Variants in ADGRG6 observed in about 807,000 individuals in gnomAD.
ADGRG6 encodes G-protein coupled receptor 126.
In ADGRG6, 84 loss-of-function variants were observed where a neutral mutation model predicts 142.4. That is an observed-to-expected ratio of 0.59 (90% CI 0.49 to 0.71). The LOEUF (loss-of-function observed/expected upper bound fraction) is 0.71, where lower values mean the gene tolerates loss of function less well. Among genes scored for constraint, ADGRG6 ranks in the 30% least tolerant of loss-of-function variants. The pLI is 0.00. For missense variants in ADGRG6, 1,367 were observed against 1,466.6 expected (o/e 0.93, Z 1.11); for synonymous variants, 521 against 520.5 (o/e 1.00, Z -0.01).
chr6:142,367,590 G>T lies in ADGRG6; in HGVS notation c.125G>T (p.Arg42Leu), dbSNP rs1300899858. 1 of 1,613,382 alleles carries T rather than the reference G, an allele frequency of 6.2e-7. No individual in the cohort carries two copies. The highest frequency in any genetic ancestry group is 8.5e-7 in the Non-Finnish European group (1 of 1,179,622). Residue 42 changes from arginine to leucine, a missense_variant, in exon 3 of 25, where the codon CGA (arginine) becomes CTA (leucine). Around this residue, in one of 3 missense-constraint regions of ADGRG6, gnomAD observed 737 missense variants for 746.5 expected, o/e 0.99. Coordinates refer to ENST00000367609, the MANE Select transcript of ADGRG6 (RefSeq NM_198569.3). Reference protein sequence around the residue: ...PHSVWGCANCRVVLSNPSGTF... With the variant: ...PHSVWGCANCLVVLSNPSGTF... ...GCAGTGTGGGGATGTGCCAACTGCC[G>T]AGTGGTTTTGTCCAACCCTTCTGGG...
At chr6:142,434,622 T>C (rs1048679949) in intron 22 of ADGRG6, among the ~76,000 whole-genome samples, 10 of 152,130 alleles carry the variant, frequency 6.6e-5, no homozygotes, top group African/African-American at 2.4e-4. Flanking sequence ...CGTCCGGCCC[T>C]GAAGAACTTT....
intron 4 of ADGRG6, among the ~76,000 whole-genome samples, chr6:142,380,501 G>A (rs934504178): frequency 6.6e-6 from 1 of 152,160 alleles, no homozygotes; most frequent in African/African-American, 2.4e-5. Context: ...CCTTACAGCA[G>A]CTATCCATTG....
chr6:142,425,012 G>T (rs1319818538), intron 22 of ADGRG6, among the ~76,000 whole-genome samples: 1 of 152,144 alleles, frequency 6.6e-6, no homozygotes, highest in Admixed American at 6.6e-5. Context: ...TATAGTTGAT[G>T]ATTACAGTGT....
rs1410187075 is a variant in ADGRG6 at position 142,445,934 on chromosome 6, T to C, written c.*2419T>C. ...TTCTTGTCACCATTCACTTGCATTG[T>C]AAAGATTTTCTTTGTCTGTTGTTGG... On this transcript the variant is annotated 3_prime_UTR_variant, in exon 25 of 25. Transcript: ENST00000367609. 6.6e-6 allele frequency: 1 copy of C among 152,296 alleles called. No individual in the cohort carries two copies. The highest frequency in any genetic ancestry group is 1.5e-5 in the Non-Finnish European group (1 of 68,040). 9.4% of individuals were successfully genotyped at this position (152,296 alleles called of 1,614,324 possible). A position where few individuals can be genotyped will look rare whatever the true frequency, so the allele number is the denominator to read the frequency against.
intron 18 of ADGRG6, among the ~76,000 whole-genome samples, chr6:142,411,778 G>A (rs1217506873): frequency 1.3e-5 from 2 of 152,062 alleles, no homozygotes; most frequent in Non-Finnish European, 2.9e-5. Context: ...AATGTTGGGT[G>A]TTACTAACAT....
At chr6:142,437,286 T>C in intron 22 of ADGRG6, 148 bp from the exon 23 acceptor site, 2 of 532,602 alleles carry the variant, frequency 3.8e-6, no homozygotes, top group Admixed American at 3.2e-5. Flanking sequence ...GTCTGCTACA[T>C]ACTGCAAGAT....
chr6:142,382,242 C>G (rs1313799412), intron 5 of ADGRG6, among the ~76,000 whole-genome samples: 2 of 152,110 alleles, frequency 1.3e-5, no homozygotes, highest in Non-Finnish European at 2.9e-5. Flanking sequence ...TTCCACAAAG[C>G]TCTGAGTTTT....
chr6:142,339,333 G>T (rs1382835372), intron 2 of ADGRG6, among the ~76,000 whole-genome samples: 3 of 152,168 alleles, frequency 2.0e-5, no homozygotes, highest in African/African-American at 7.2e-5. Flanking sequence ...AAAAGCTGGA[G>T]ACCAGCAAAT....
In ADGRG6 at chr6:142,318,020, A is replaced by G. The variant is rs1289915617; in HGVS notation, c.103+8376A>G. Among the ~76,000 whole-genome samples, 38 of 50,632 alleles carry G rather than the reference A, an allele frequency of 7.5e-4. 1 individual carries two copies. Among genetic ancestry groups the G allele is most frequent in the African/African-American group, 3.5e-3 (38 of 10,916 alleles). The allele number at this position is 50,632 out of a possible 152,430, so 33.2% of individuals were successfully genotyped here. A position where few individuals can be genotyped will look rare whatever the true frequency, so the allele number is the denominator to read the frequency against. On this transcript the variant is annotated intron_variant, in intron 2 of 24. Coordinates refer to ENST00000367609, the MANE Select transcript of ADGRG6 (RefSeq NM_198569.3). ...ATATTATATATAATATTTATGTTAT[A>G]TATATTATATATAATATATATTTAT...
In ADGRG6 at chr6:142,302,136, C is replaced by T. The variant is rs1046985817; in HGVS notation, c.-194C>T. 3.3e-6 allele frequency: 2 copies of T among 599,954 alleles called. No homozygotes were observed. The highest frequency in any genetic ancestry group is 3.8e-5 in the African/African-American group (2 of 52,956). The allele number at this position is 599,954 out of a possible 1,614,324, so 37.2% of individuals were successfully genotyped here. Reference sequence around the variant, plus strand: ...TCGTCCGCAGGCCCTGCGCTGAACGCTGCCGCGCCCAGGGTTCACCTTGCG... The same window carrying T: ...TCGTCCGCAGGCCCTGCGCTGAACGTTGCCGCGCCCAGGGTTCACCTTGCG... On this transcript the variant is annotated 5_prime_UTR_variant, in exon 1 of 25. Transcript: ENST00000367609.
At position 142,331,015 on chromosome 6, in the gene ADGRG6, T is replaced by G. The variant is rs531299017; in HGVS notation, c.103+21371T>G. On this transcript the variant is annotated intron_variant, in intron 2 of 24. Transcript: ENST00000367609. ...TCTATGGGAACTCAGAAGCAAAACT[T>G]GCCTTTGCCTGAAGTCACCGACTGG... 9.7e-4 allele frequency among the ~76,000 whole-genome samples: 147 copies of G among 152,092 alleles called. 1 individual carries two copies. The highest frequency in any genetic ancestry group is 1.6e-3 in the Admixed American group (25 of 15,262).
chr6:142,411,070 C>A (rs956380674), intron 17 of ADGRG6, among the ~76,000 whole-genome samples: 1 of 152,090 alleles, frequency 6.6e-6, no homozygotes, highest in Admixed American at 6.6e-5. Flanking sequence ...GTGGAACTCT[C>A]AAGTTTGAAC....
intron 2 of ADGRG6, among the ~76,000 whole-genome samples, chr6:142,346,920 A>T (rs888671679): frequency 6.6e-6 from 1 of 152,134 alleles, no homozygotes; most frequent in Non-Finnish European, 1.5e-5. Context: ...GAAATACCTA[A>T]TGTAGATGAT....
chr6:142,307,205 A>G (rs911879685), intron 1 of ADGRG6, among the ~76,000 whole-genome samples: 1 of 152,158 alleles, frequency 6.6e-6, no homozygotes, highest in African/African-American at 2.4e-5. Flanking sequence ...TCACACATTG[A>G]TGAAAGATAA....
intron 2 of ADGRG6, among the ~76,000 whole-genome samples, chr6:142,325,121 A>C (rs1778705523): frequency 6.6e-6 from 1 of 152,120 alleles, no homozygotes; most frequent in African/African-American, 2.4e-5. Flanking sequence ...TGTATACCTA[A>C]AAAGTACATA....
chr6:142,355,530 T>A (rs1479960925), intron 2 of ADGRG6, among the ~76,000 whole-genome samples: 2 of 152,130 alleles, frequency 1.3e-5, no homozygotes, highest in African/African-American at 4.8e-5. Context: ...TTTTGAATGA[T>A]CATTCAACTG....
rs1022894024 is a variant in ADGRG6, at chr6:142,445,739, C to G, written c.*2224C>G. The G allele has an allele frequency of 2.0e-5, 3 of 152,140 alleles. No homozygotes were observed. Among genetic ancestry groups the G allele is most frequent in the Non-Finnish European group, 2.9e-5 (2 of 68,022 alleles). The allele number at this position is 152,140 out of a possible 1,614,324, so 9.4% of individuals were successfully genotyped here. A position where few individuals can be genotyped will look rare whatever the true frequency, so the allele number is the denominator to read the frequency against. On this transcript the variant is annotated 3_prime_UTR_variant, in exon 25 of 25. Coordinates refer to ENST00000367609, the MANE Select transcript of ADGRG6 (RefSeq NM_198569.3). ...GCAGTTCTCACCTCCATTTAGTCCC[C>G]CATCAGAACAGAGGTCAGGAATTTA...
rs114221219 is a variant in ADGRG6, at chr6:142,415,646, T to C, written c.2670-150T>C. On this transcript the variant is annotated intron_variant, in intron 19 of 24. Coordinates refer to ENST00000367609, the MANE Select transcript of ADGRG6 (RefSeq NM_198569.3). Reference sequence around the variant, plus strand: ...CTTGCCAAATACTCATAAATATCCTTAGCCCCTCCTTTTAGCAGAACCACA... The same window carrying C: ...CTTGCCAAATACTCATAAATATCCTCAGCCCCTCCTTTTAGCAGAACCACA... 1,071 of 599,858 alleles carry C rather than the reference T, an allele frequency of 1.8e-3. 12 individuals are homozygous for C. The highest frequency in any genetic ancestry group is 0.017 in the African/African-American group (925 of 54,006). The allele number at this position is 599,858 out of a possible 1,614,324, so 37.2% of individuals were successfully genotyped here.
intron 2 of ADGRG6, among the ~76,000 whole-genome samples, chr6:142,316,366 A>G (rs567121933): frequency 1.3e-5 from 2 of 152,260 alleles, no homozygotes; most frequent in Non-Finnish European, 2.9e-5. Context: ...TCTAATAATG[A>G]CAGAATTACA....
Sources: gnomAD v4.1 joint callset for allele counts (sites outside exome capture counted in the v4.1 genomes callset) on GRCh38, gnomAD v4.1.1 for gene constraint, gnomAD v4.1.1 regional missense constraint, MANE v1.5 for transcripts, NCBI Gene and HGNC (gene_info 2026-07-23, HGNC 2026-07-21) for gene names.